The following CALD1 variants were observed in gnomAD, a reference collection of about 807,000 sequenced individuals.
The protein encoded by CALD1 is caldesmon.
A neutral mutation model predicts 99.9 loss-of-function variants in CALD1; 33 were observed. The observed-to-expected ratio is 0.33, with a 90% CI of 0.25 to 0.44. The LOEUF is 0.44. Ranked by LOEUF, CALD1 falls within the 20% of genes least tolerant of loss-of-function variation. The pLI is 1.00. For synonymous variants in CALD1, 310 were observed against 325.0 expected (o/e 0.95, Z 0.50); for missense variants, 861 against 962.1 (o/e 0.89, Z 1.39).
chr7:134,825,601 G>A (rs1463242420), intron 1 of CALD1, among the ~76,000 whole-genome samples: 1 of 151,960 alleles, frequency 6.6e-6, no homozygotes, highest in African/African-American at 2.4e-5. Flanking sequence ...TTTCCCTTTT[G>A]GTGAAGTCAT....
At chr7:134,934,139 A>C (rs866201523) in intron 5 of CALD1, 62 bp downstream of exon 5, 1 of 1,552,654 alleles carries the variant, frequency 6.4e-7, no homozygotes, top group Non-Finnish European at 8.7e-7. Context: ...TGTAATGCAC[A>C]TCTGATTTGG....
intron 1 of CALD1, among the ~76,000 whole-genome samples, chr7:134,800,236 C>A (rs1797891518): frequency 6.6e-6 from 1 of 151,966 alleles, no homozygotes; most frequent in Non-Finnish European, 1.5e-5. Flanking sequence ...TACAATGAAA[C>A]AAAAAGAAAA....
chr7:134,875,481 C>T (rs1801303347), intron 3 of CALD1, among the ~76,000 whole-genome samples: 1 of 151,892 alleles, frequency 6.6e-6, no homozygotes, highest in African/African-American at 2.4e-5. Flanking sequence ...ACTAAAAATT[C>T]AAAAAATAAG....
At chr7:134,956,619 A>G (rs938073907) in intron 9 of CALD1, among the ~76,000 whole-genome samples, 3 of 152,200 alleles carry the variant, frequency 2.0e-5, no homozygotes, top group Admixed American at 2.0e-4. Flanking sequence ...ACTGTGAGAA[A>G]TGTTTGTTGT....
intron 1 of CALD1, among the ~76,000 whole-genome samples, chr7:134,755,279 G>A (rs1233029606): frequency 6.6e-6 from 1 of 152,216 alleles, no homozygotes; most frequent in Non-Finnish European, 1.5e-5. Context: ...GGGATTACGG[G>A]CGTGAGCCAC....
Position 134,928,819 on chromosome 7 carries a change from G to C in CALD1, c.137G>C (p.Arg46Pro). ...EAARERRRRARQERLRQKQEE... is the reference protein window; with the variant it reads ...EAARERRRRAPQERLRQKQEE... ...GCCCGGGAACGGCGCCGCCGAGCCC[G>C]ACAGGAACGGCTGCGGCAGAAGCAG... The change falls in exon 4 of 15, where the codon CGA becomes CCA. Residue 46 changes from arginine (R) to proline (P), a missense_variant. Arg to Pro is a moderately radical substitution (Grantham distance 103). Transcript: ENST00000361675. 6.2e-7 allele frequency: 1 copy of C among 1,614,042 alleles called. No individual in the cohort carries two copies. Among genetic ancestry groups the C allele is most frequent in the Non-Finnish European group, 8.5e-7 (1 of 1,179,978 alleles).
chr7:134,950,875 C>T (rs1051602350), intron 9 of CALD1, among the ~76,000 whole-genome samples: 2 of 152,194 alleles, frequency 1.3e-5, no homozygotes, highest in South Asian at 4.1e-4. Context: ...AGGAGAATCA[C>T]TTGAACCCAG....
At chr7:134,959,169 TTTTG>T (rs1808057333) in intron 11 of CALD1, among the ~76,000 whole-genome samples, 1 of 151,940 alleles carries the variant, frequency 6.6e-6, no homozygotes. Context: ...TTGTTTGTTT[TTTTG>T]TTTTTTATTT....
chr7:134,817,087 A>T (rs564164996), intron 1 of CALD1, among the ~76,000 whole-genome samples: 2 of 152,084 alleles, frequency 1.3e-5, no homozygotes, highest in African/African-American at 4.8e-5. Context: ...TTTTTATTTA[A>T]ATTTTTTATC....
intron 1 of CALD1, among the ~76,000 whole-genome samples, chr7:134,763,682 G>A (rs563596232): frequency 1.3e-5 from 2 of 152,266 alleles, no homozygotes; most frequent in South Asian, 4.1e-4. Context: ...CACTTTGGGA[G>A]GCTAAGGCGG....
chr7:134,740,502 C>CTT (rs1342918643), upstream of CALD1, among the ~76,000 whole-genome samples: 4 of 152,154 alleles, frequency 2.6e-5, no homozygotes, highest in African/African-American at 9.7e-5. Flanking sequence ...CCCTGGGGGT[C>CTT]TTGTTTGACC....
chr7:134,905,818 C>T (rs948267933), intron 3 of CALD1, among the ~76,000 whole-genome samples: 7 of 151,936 alleles, frequency 4.6e-5, no homozygotes, highest in Non-Finnish European at 8.8e-5. Context: ...CATGGACTTC[C>T]GTATAACTAG....
At position 134,932,968 on chromosome 7, in the gene CALD1, T is replaced by C. The variant is rs550549442; in HGVS notation, c.219-20T>C. On this transcript the variant is annotated intron_variant, in intron 4 of 14. Coordinates refer to ENST00000361675, the MANE Select transcript of CALD1 (RefSeq NM_033138.4). ...ATGAATGAGCAAGCTGTCTTTGGTG[T>C]TGTTCTTTCTGTTGTACAGTGTGCC... 1.9e-6 allele frequency: 3 copies of C among 1,541,874 alleles called. No individual in the cohort carries two copies. In the African/African-American group the frequency reaches 4.1e-5, roughly 21 times the overall value.
At position 134,960,572 on chromosome 7, in the gene CALD1, A is replaced by C. The variant is rs768313989; in HGVS notation, c.2239A>C (p.Asn747His). The C allele has an allele frequency of 1.2e-6, 2 of 1,613,804 alleles. No individual in the cohort carries two copies. Among genetic ancestry groups the C allele is most frequent in the South Asian group, 2.2e-5 (2 of 91,074 alleles). Reference protein sequence around the residue: ...GLKVGVSSRINEWLTKTPDGN... With the variant: ...GLKVGVSSRIHEWLTKTPDGN... ...GAAGGTAGGGGTTTCTAGCCGCATC[A>C]ATGAATGGCTAACTAAAACCCCAGA... The change falls in exon 13 of 15, where the codon AAT becomes CAT. Residue 747 changes from asparagine (N) to histidine (H), a missense_variant. Asn to His is a moderately conservative substitution (Grantham distance 68). Transcript: ENST00000361675.
chr7:134,756,961 G>A (rs1000834006), intron 1 of CALD1, among the ~76,000 whole-genome samples: 1 of 152,134 alleles, frequency 6.6e-6, no homozygotes, highest in African/African-American at 2.4e-5. Context: ...CGCCACTTAC[G>A]CTCATTTTTC....
At chr7:134,867,306 G>A (rs1445652859) in intron 2 of CALD1, among the ~76,000 whole-genome samples, 1 of 151,940 alleles carries the variant, frequency 6.6e-6, no homozygotes. Flanking sequence ...TTTCTTTTCT[G>A]TTTGTCATTC....
At chr7:134,830,087 G>A (rs1214501368) in intron 1 of CALD1, among the ~76,000 whole-genome samples, 1 of 151,370 alleles carries the variant, frequency 6.6e-6, no homozygotes, top group East Asian at 1.9e-4. Context: ...AAAAAAAAAA[G>A]GGGCCAGGGA....
intron 1 of CALD1, among the ~76,000 whole-genome samples, chr7:134,808,431 GA>G (rs1419411603): frequency 6.6e-6 from 1 of 152,106 alleles, no homozygotes; most frequent in African/African-American, 2.4e-5. Flanking sequence ...AAAGTGCTCT[GA>G]CAAGTGCTTT....
At chr7:134,942,002 TAGA>T (rs2133067402) in intron 7 of CALD1, among the ~76,000 whole-genome samples, 1 of 152,282 alleles carries the variant, frequency 6.6e-6, no homozygotes, top group African/African-American at 2.4e-5. Context: ...ACCAATTTTG[TAGA>T]AGAACTTGAG....
Sources: allele counts gnomAD v4.1 joint callset (sites outside exome capture counted in the v4.1 genomes callset), GRCh38; gene constraint gnomAD v4.1.1; transcripts MANE v1.5; gene names NCBI Gene and HGNC (gene_info 2026-07-23, HGNC 2026-07-21).